NRXN3: variants seen among roughly 807,000 people sequenced by gnomAD.
The protein encoded by NRXN3 is neurexin 3.
NRXN3 carries 32 observed loss-of-function variants against 137.6 expected under a neutral mutation model. The observed-to-expected ratio is 0.23, with a 90% CI of 0.18 to 0.31. NRXN3 has a LOEUF of 0.31. NRXN3 is among the 10% of genes least tolerant of loss of function. The pLI, the probability that NRXN3 is intolerant of heterozygous loss-of-function variation, is 1.00. For missense variants in NRXN3, 1,574 were observed against 2,062.5 expected (o/e 0.76, Z 4.59); for synonymous variants, 798 against 784.5 (o/e 1.02, Z -0.29).
chr14:79,848,459 G>C (rs8014902), intron 20 of NRXN3, among the ~76,000 whole-genome samples: 88,573 of 151,510 alleles, frequency 0.58, 26,180 homozygotes, highest in Admixed American at 0.67. Context: ...AATGTTTTTT[G>C]GTCTCATAAG....
At chr14:79,593,070 A>C (rs1029607473) in intron 16 of NRXN3, among the ~76,000 whole-genome samples, 1 of 152,138 alleles carries the variant, frequency 6.6e-6, no homozygotes, top group Non-Finnish European at 1.5e-5. Flanking sequence ...GTACAAACTC[A>C]TGTTTATGCA....
At chr14:78,652,472 C>T (rs2097754747) in intron 6 of NRXN3, among the ~76,000 whole-genome samples, 1 of 152,214 alleles carries the variant, frequency 6.6e-6, no homozygotes, top group Non-Finnish European at 1.5e-5. Context: ...GTGCACTGCA[C>T]ATTTTAAGCT....
At chr14:79,167,938 T>A (rs2061427438) in intron 15 of NRXN3, among the ~76,000 whole-genome samples, 1 of 138,956 alleles carries the variant, frequency 7.2e-6, no homozygotes, top group Non-Finnish European at 1.5e-5. Flanking sequence ...CTTTCCTTGT[T>A]TTTTTTTTTT....
chr14:79,257,807 G>T (rs1273802937), intron 15 of NRXN3, among the ~76,000 whole-genome samples: 2 of 151,860 alleles, frequency 1.3e-5, no homozygotes, highest in Admixed American at 6.6e-5. Context: ...AAAGCAAGAA[G>T]AATGTCCAGG....
chr14:79,168,480 C>T (rs759005040), intron 15 of NRXN3, among the ~76,000 whole-genome samples: 78 of 152,012 alleles, frequency 5.1e-4, no homozygotes, highest in Non-Finnish European at 8.1e-4. Context: ...ATTTTAATAA[C>T]ATGTTAAAAT....
At chr14:79,619,495 A>G (rs2098198467) in intron 16 of NRXN3, among the ~76,000 whole-genome samples, 1 of 151,912 alleles carries the variant, frequency 6.6e-6, no homozygotes, top group African/African-American at 2.4e-5. Context: ...TGACCATGAG[A>G]TTTTATGTGA....
intron 2 of NRXN3, among the ~76,000 whole-genome samples, chr14:78,259,965 A>G (rs1265910671): frequency 6.6e-6 from 1 of 152,180 alleles, no homozygotes; most frequent in Non-Finnish European, 1.5e-5. Flanking sequence ...CCCAGCTGGT[A>G]TGCGATGGGA....
rs780548844 is a variant in NRXN3, at chr14:79,805,183, G to A, written c.4086G>A (p.Pro1362=). The change falls in exon 20 of 21, where the codon CCG becomes CCA. Residue 1362 remains proline (P), a synonymous_variant. Transcript: ENST00000335750. ...ATGAAGACTTTGTTGAATGTGAGCC[G>A]AGTACAGGTAGGTCAGGTCAGTCTT... ...SDDEDFVECE[P]STDKSLSTSI... The A allele has an allele frequency of 2.4e-5, 39 of 1,613,272 alleles. 1 individual carries two copies. Among genetic ancestry groups the A allele is most frequent in the South Asian group, 1.9e-4 (17 of 91,036 alleles).
chr14:79,163,564 A>G (rs535933989), intron 15 of NRXN3, among the ~76,000 whole-genome samples: 1 of 152,060 alleles, frequency 6.6e-6, no homozygotes. Context: ...TGGCCTGACA[A>G]GTTTGAATTC....
At chr14:79,512,339 T>C (rs933627068) in intron 16 of NRXN3, among the ~76,000 whole-genome samples, 1 of 152,214 alleles carries the variant, frequency 6.6e-6, no homozygotes, top group African/African-American at 2.4e-5. Flanking sequence ...AATCTCCTGT[T>C]TCCTTATCCA....
intron 15 of NRXN3, among the ~76,000 whole-genome samples, chr14:79,116,723 A>C (rs1014768737): frequency 1.3e-5 from 2 of 152,224 alleles, no homozygotes; most frequent in East Asian, 3.9e-4. Context: ...CCAGGAAGTC[A>C]TCATTTCACA....
At chr14:78,651,887 T>G (rs1046243269) in intron 6 of NRXN3, among the ~76,000 whole-genome samples, 7 of 152,130 alleles carry the variant, frequency 4.6e-5, no homozygotes, top group Non-Finnish European at 1.0e-4. Flanking sequence ...GAAATTTGGG[T>G]GGGGACACAG....
At chr14:79,607,300 A>G (rs535152608) in intron 16 of NRXN3, among the ~76,000 whole-genome samples, 17 of 152,344 alleles carry the variant, frequency 1.1e-4, no homozygotes, top group Admixed American at 7.2e-4. Flanking sequence ...ATGAAAACAC[A>G]GGTGTTAAAC....
chr14:79,066,551 C>T (rs1181315240), intron 15 of NRXN3, among the ~76,000 whole-genome samples: 1 of 152,056 alleles, frequency 6.6e-6, no homozygotes, highest in African/African-American at 2.4e-5. Flanking sequence ...ATGGGAATAG[C>T]ATTGAATCTA....
chr14:79,407,015 C>A (rs1401399792), intron 15 of NRXN3, among the ~76,000 whole-genome samples: 5 of 152,082 alleles, frequency 3.3e-5, no homozygotes, highest in Non-Finnish European at 7.4e-5. Context: ...TGAGTTTGAG[C>A]CTTGAATGTA....
At chr14:78,615,411 T>C (rs991780497) in intron 4 of NRXN3, among the ~76,000 whole-genome samples, 18 of 135,904 alleles carry the variant, frequency 1.3e-4, no homozygotes, top group Non-Finnish European at 2.3e-4. Context: ...CCATCCTAGC[T>C]AACACGGTGA....
At chr14:79,130,901 C>G (rs2057367069) in intron 15 of NRXN3, among the ~76,000 whole-genome samples, 1 of 152,098 alleles carries the variant, frequency 6.6e-6, no homozygotes, top group Non-Finnish European at 1.5e-5. Flanking sequence ...TTTCTCTAAA[C>G]TTCCCTTCTC....
chr14:78,766,401 A>T (rs1045917399), intron 8 of NRXN3, among the ~76,000 whole-genome samples: 2 of 152,196 alleles, frequency 1.3e-5, no homozygotes, highest in Admixed American at 1.3e-4. Flanking sequence ...TGCCAATTAC[A>T]TTGCAAAAAA....
chr14:79,234,328 ATATATATATATAATATT>A (rs2072948490), intron 15 of NRXN3, among the ~76,000 whole-genome samples: 1 of 110,478 alleles, frequency 9.1e-6, no homozygotes, highest in African/African-American at 3.6e-5. Context: ...ATATATATAT[ATATATATATATAATATT>A]TATATATATA....
Sources: allele counts gnomAD v4.1 joint callset (sites outside exome capture counted in the v4.1 genomes callset), GRCh38; gene constraint gnomAD v4.1.1; transcripts MANE v1.5; gene names NCBI Gene and HGNC (gene_info 2026-07-23, HGNC 2026-07-21).